Variants in SETD4 observed in about 807,000 individuals in gnomAD.
SETD4 encodes SET domain containing 4.
In SETD4, 46 loss-of-function variants were observed where a neutral mutation model predicts 58.3. The ratio of observed to expected loss-of-function variants is 0.79; its 90% CI spans 0.62 to 1.01. The LOEUF (loss-of-function observed/expected upper bound fraction) is 1.01, where lower values mean the gene tolerates loss of function less well. SETD4 is among the 50% of genes least tolerant of loss of function. The probability of loss-of-function intolerance (pLI) is 0.00; values close to 1 mark genes in which losing one functional copy is unlikely to be tolerated. For synonymous variants in SETD4, 190 were observed against 202.6 expected, an observed-to-expected ratio of 0.94 and a Z score of 0.53; for missense variants, 490 against 523.3, an observed-to-expected ratio of 0.94 and a Z score of 0.62.
intron 5 of SETD4, among the ~76,000 whole-genome samples, chr21:36,046,554 T>C (rs761211397): frequency 6.6e-6 from 1 of 152,236 alleles, no homozygotes; most frequent in Non-Finnish European, 1.5e-5. Context: ...TCAGAGCTAG[T>C]GGCCACCATA....
intron 4 of SETD4, 67 bp downstream of exon 4, chr21:36,053,516 G>T: frequency 6.5e-7 from 1 of 1,540,710 alleles, no homozygotes. Context: ...AATTCACTTC[G>T]TTTGAACCGC....
intron 7 of SETD4, 42 bp from the exon 8 acceptor site, chr21:36,041,930 T>G: frequency 9.0e-7 from 1 of 1,106,648 alleles, no homozygotes; most frequent in Non-Finnish European, 1.3e-6. Context: ...GGCATAAATT[T>G]GGACAAAAGT....
intron 7 of SETD4, chr21:36,043,443 TA>T (rs1171748968): frequency 5.6e-6 from 6 of 1,062,442 alleles, no homozygotes; most frequent in Non-Finnish European, 5.7e-6. Flanking sequence ...CATTGCTCTC[TA>T]ATCCTATTTT....
chr21:36,051,246 A>C (rs964794435), intron 4 of SETD4: 11 of 1,604,074 alleles, frequency 6.9e-6, no homozygotes, highest in African/African-American at 6.7e-5. Flanking sequence ...TGTTGACAAC[A>C]TAAGTGCAAG....
rs1259527277 is a variant in SETD4 at position 36,045,740 on chromosome 21, T to C, written c.568A>G (p.Ser190Gly). ...LQPLFAEAVD[S>G]IFSYSALLWA... ...AGCAGGGCACTGTAGCTGAAGATGC[T>C]GTCAACAGCCTCCGCAAACAGAGGC... The change falls in exon 6 of 12, where the codon AGC (serine) becomes GGC (glycine). Residue 190 changes from serine (S) to glycine (G), a missense_variant. Transcript: ENST00000332131. The C allele has an allele frequency of 1.9e-6, 3 of 1,614,182 alleles. No homozygotes were observed. In the African/African-American group the frequency reaches 4.0e-5, roughly 22 times the overall value.
Position 36,045,776 on chromosome 21 carries a change from A to G in SETD4, c.532T>C (p.Ser178Pro). ...TCCGCAAACAGAGGCTGCAGAGAAGAGAAAAAGTCTCTGGAGGAAGCAAAG... is the reference window on the plus strand; with the variant it reads ...TCCGCAAACAGAGGCTGCAGAGAAGGGAAAAAGTCTCTGGAGGAAGCAAAG... Reference protein sequence around the residue: ...EFFASSRDFFSSLQPLFAEAV... With the variant: ...EFFASSRDFFPSLQPLFAEAV... The change falls in exon 6 of 12, where the codon TCT becomes CCT. Residue 178 changes from serine (S) to proline (P), a missense_variant. By Grantham distance (74) the Ser-to-Pro change is moderately conservative. Coordinates refer to ENST00000332131, the MANE Select transcript of SETD4 (RefSeq NM_017438.5). 6.2e-7 allele frequency: 1 copy of G among 1,614,210 alleles called. No homozygotes were observed. The highest frequency in any genetic ancestry group is 8.5e-7 in the Non-Finnish European group (1 of 1,180,044).
In SETD4 at chr21:36,053,380, T is replaced by C. The variant is rs16993840; in HGVS notation, c.207+203A>G. The C allele has an allele frequency of 4.2e-3, 2,562 of 611,574 alleles. 49 individuals are homozygous for C. In the African/African-American group the frequency reaches 0.043, roughly 10 times the overall value. 37.9% of individuals were successfully genotyped at this position (611,574 alleles called of 1,614,324 possible). A position where few individuals can be genotyped will look rare whatever the true frequency, so the allele number is the denominator to read the frequency against. On this transcript the variant is annotated intron_variant, in intron 4 of 11. Coordinates refer to ENST00000332131, the MANE Select transcript of SETD4 (RefSeq NM_017438.5). ...TGAGTGAGAACAAAATAAATTTCCA[T>C]GCTGCTTAAGCACCTCAATTTTGGG...
At chr21:36,036,508 A>T in intron 10 of SETD4, 1 of 443,136 alleles carries the variant, frequency 2.3e-6, no homozygotes, top group Non-Finnish European at 3.0e-6. Flanking sequence ...CTCTGTCTCT[A>T]CGAACTCACC....
chr21:36,043,748 T>C (rs1350408255), intron 7 of SETD4, 34 bp downstream of exon 7: 6 of 1,604,486 alleles, frequency 3.7e-6, no homozygotes, highest in South Asian at 1.1e-5. Context: ...AAAAATTATA[T>C]AGTGTTAATG....
In SETD4 at chr21:36,045,627, T is replaced by G; in HGVS notation, c.681A>C (p.Ala227=). Residue 227 remains alanine (A), a synonymous_variant, in exon 6 of 12, where the codon GCA becomes GCC. Coordinates refer to ENST00000332131, the MANE Select transcript of SETD4 (RefSeq NM_017438.5). ...TCAGCAGGTCCAGGTACGGAGCGAG[T>G]GCACAGGTGTCCGGCTCTGCAGAAA... is the stretch of plus-strand genomic sequence containing the variant. The part of the protein sequence containing the change: ...ECLSAEPDTC[A]LAPYLDLLNH... 6.2e-7 allele frequency: 1 copy of G among 1,614,028 alleles called. No homozygotes were observed. Among genetic ancestry groups the G allele is most frequent in the Non-Finnish European group, 8.5e-7 (1 of 1,179,994 alleles).
chr21:36,040,507 C>T (rs1001432460), intron 9 of SETD4, 68 bp downstream of exon 9: 14 of 1,419,048 alleles, frequency 9.9e-6, no homozygotes, highest in Non-Finnish European at 1.3e-5. Context: ...CAAAAACAAA[C>T]AAACCAACCC....
chr21:36,036,512 A>G (rs1053783580), intron 10 of SETD4: 2 of 464,798 alleles, frequency 4.3e-6, no homozygotes, highest in Non-Finnish European at 5.6e-6. Context: ...GTCTCTACGA[A>G]CTCACCTGTT....
chr21:36,041,841 T>A lies in SETD4; in HGVS notation c.949A>T (p.Lys317Ter), dbSNP rs2064078181. The A allele has an allele frequency of 6.7e-7, 1 of 1,485,718 alleles. No individual in the cohort carries two copies. The highest frequency in any genetic ancestry group is 9.2e-7 in the Non-Finnish European group (1 of 1,088,022). 92.0% of individuals were successfully genotyped at this position (1,485,718 alleles called of 1,614,324 possible). ...LPSTDKQMDK[K>*]ISILKDHGYI... ...CCATGATCCTTTAAAATAGAAATCTTTTTGTCCATCTGTTTATCTGTTGAT... is the reference window on the plus strand; with the variant it reads ...CCATGATCCTTTAAAATAGAAATCTATTTGTCCATCTGTTTATCTGTTGAT... Residue 317 changes from lysine (K) to a stop codon, truncating the protein, a stop_gained, in exon 8 of 12, where the codon AAG becomes TAG. Coordinates refer to ENST00000332131, the MANE Select transcript of SETD4 (RefSeq NM_017438.5). LOFTEE classifies it high-confidence loss of function.
rs1052735017 is a variant in SETD4 at position 36,048,173 on chromosome 21, T to G, written c.296+135A>C. The G allele has an allele frequency of 1.1e-5, 8 of 761,026 alleles. No individual in the cohort carries two copies. In the African/African-American group the frequency reaches 1.2e-4, roughly 12 times the overall value. The allele number at this position is 761,026 out of a possible 1,614,324, so 47.1% of individuals were successfully genotyped here. On this transcript the variant is annotated intron_variant, in intron 5 of 11. Coordinates refer to ENST00000332131, the MANE Select transcript of SETD4 (RefSeq NM_017438.5). ...AACTTTCTAGAATGGAGTAAACTTT[T>G]CACATCATTCAGGTTATTTATCAGC... is the stretch of plus-strand genomic sequence containing the variant.
intron 3 of SETD4, among the ~76,000 whole-genome samples, chr21:36,054,785 C>T (rs893375259): frequency 3.4e-5 from 5 of 147,424 alleles, no homozygotes; most frequent in Non-Finnish European, 7.5e-5. Flanking sequence ...GGATTTGATG[C>T]TCCTGGCTCA....
chr21:36,058,756 A>G, intron 2 of SETD4, 60 bp downstream of exon 2: 1 of 1,525,364 alleles, frequency 6.6e-7, no homozygotes, highest in Non-Finnish European at 8.8e-7. Context: ...ACGTATGAAC[A>G]AACAAGCAAT....
At position 36,048,820 on chromosome 21, in the gene SETD4, C is replaced by T. The variant is rs567345431; in HGVS notation, c.208-424G>A. 8.6e-5 allele frequency among the ~76,000 whole-genome samples: 13 copies of T among 150,512 alleles called. No individual in the cohort carries two copies. The East Asian group carries it at 2.6e-3, about 30-fold the overall frequency. On this transcript the variant is annotated intron_variant, in intron 4 of 11. Transcript: ENST00000332131. Reference sequence around the variant, plus strand: ...GCAACCTCCACCTCCCAGGTTCAAGCGATTCTCCTGCCTCAGCCTCCCAAG... The same window carrying T: ...GCAACCTCCACCTCCCAGGTTCAAGTGATTCTCCTGCCTCAGCCTCCCAAG...
chr21:36,042,995 G>C (rs1258252987), intron 7 of SETD4: 1 of 152,116 alleles, frequency 6.6e-6, no homozygotes, highest in Non-Finnish European at 1.5e-5. Context: ...AGGCACAGTG[G>C]CTCACTCCTA....
chr21:36,037,107 T>A (rs1325235272), intron 10 of SETD4, among the ~76,000 whole-genome samples: 1 of 151,880 alleles, frequency 6.6e-6, no homozygotes, highest in African/African-American at 2.4e-5. Flanking sequence ...AGATCTATGG[T>A]ACATCGTGGT....
Sources: gnomAD v4.1 joint callset for allele counts (sites outside exome capture counted in the v4.1 genomes callset) on GRCh38, gnomAD v4.1.1 for gene constraint, MANE v1.5 for transcripts, NCBI Gene and HGNC (gene_info 2026-07-23, HGNC 2026-07-21) for gene names.